SYNE2: variants seen among roughly 807,000 people sequenced by gnomAD.
The protein encoded by SYNE2 is nesprin-2.
SYNE2 carries 431 observed loss-of-function variants against 856.3 expected under a neutral mutation model. That is an observed-to-expected ratio of 0.50 (90% CI 0.47 to 0.55). The LOEUF is 0.55. Among genes scored for constraint, SYNE2 ranks in the 20% least tolerant of loss-of-function variants. The probability of loss-of-function intolerance (pLI) is 0.00; values close to 1 mark genes in which losing one functional copy is unlikely to be tolerated. For missense variants in SYNE2, 8,129 were observed against 8,023.2 expected (o/e 1.01, Z -0.50); for synonymous variants, 2,923 against 2,872.3 (o/e 1.02, Z -0.56).
At chr14:64,140,596 C>T (rs559584147) in intron 80 of SYNE2, among the ~76,000 whole-genome samples, 3 of 152,268 alleles carry the variant, frequency 2.0e-5, no homozygotes, top group Non-Finnish European at 4.4e-5. Context: ...AAAACTTGCA[C>T]TGACATAGGT....
chr14:63,903,951 T>C (rs2095373166), intron 1 of SYNE2, among the ~76,000 whole-genome samples: 1 of 152,118 alleles, frequency 6.6e-6, no homozygotes, highest in Admixed American at 6.6e-5. Flanking sequence ...AATAGGTTGT[T>C]TTTCAACCCA....
intron 1 of SYNE2, among the ~76,000 whole-genome samples, chr14:63,875,184 A>G (rs909875889): frequency 6.6e-6 from 1 of 152,154 alleles, no homozygotes; most frequent in Non-Finnish European, 1.5e-5. Context: ...AGTATCTGGG[A>G]CTACAGGTGT....
chr14:64,062,644 A>G (rs2097326433), intron 49 of SYNE2, 107 bp from the exon 50 acceptor site: 6 of 1,151,110 alleles, frequency 5.2e-6, no homozygotes, highest in Non-Finnish European at 7.6e-6. Flanking sequence ...GAAAGTTGTC[A>G]TATCTTTTCT....
At chr14:63,948,530 C>T (rs1032871441) in intron 6 of SYNE2, among the ~76,000 whole-genome samples, 3 of 151,196 alleles carry the variant, frequency 2.0e-5, no homozygotes, top group South Asian at 4.2e-4. Context: ...GGAGTGGTGG[C>T]GTGCGCCTGT....
intron 41 of SYNE2, 89 bp from the exon 42 acceptor site, chr14:64,026,490 C>A: frequency 9.8e-7 from 1 of 1,024,244 alleles, no homozygotes. Flanking sequence ...CAGATAGAAT[C>A]TCTATATAAA....
At chr14:64,176,497 G>A (rs529848927) in intron 95 of SYNE2, among the ~76,000 whole-genome samples, 6 of 152,298 alleles carry the variant, frequency 3.9e-5, no homozygotes, top group African/African-American at 9.6e-5. Context: ...CAGCACAGTG[G>A]TGAGAAGTGG....
At position 64,216,859 on chromosome 14, in the gene SYNE2, C is replaced by A. The variant is rs540776422; in HGVS notation, c.19542+472C>A. Among the ~76,000 whole-genome samples the A allele has an allele frequency of 8.3e-4, 126 of 152,180 alleles. 3 individuals carry two copies. In the South Asian group the frequency reaches 0.025, roughly 31 times the overall value. ...CCTGCCTCAGCCTCCCAAGTAGCTG[C>A]GATTACAGGTGTGCACCACCATGCC... On this transcript the variant is annotated intron_variant, in intron 108 of 115. Transcript: ENST00000555002.
chr14:64,159,379 T>C lies in SYNE2; in HGVS notation c.16031T>C (p.Leu5344Pro). Residue 5344 changes from leucine to proline, a missense_variant, in exon 87 of 116, where the codon CTC becomes CCC. Around this residue, in one of 3 missense-constraint regions of SYNE2, gnomAD observed 5,410 missense variants for 5,284.8 expected, o/e 1.02. Transcript: ENST00000555002. ...WEKLQEVIGK[L>P]KGLCPSVAEI... ...AAACTCCAGGAGGTTATCGGCAAAC[T>C]CAAAGGTCTCTGCCCCTCTGTTGCT... is the stretch of plus-strand genomic sequence containing the variant. 6.2e-7 allele frequency: 1 copy of C among 1,614,030 alleles called. No individual in the cohort carries two copies. Among genetic ancestry groups the C allele is most frequent in the Non-Finnish European group, 8.5e-7 (1 of 1,179,924 alleles).
intron 1 of SYNE2, among the ~76,000 whole-genome samples, chr14:63,773,607 G>C (rs1887002315): frequency 6.6e-6 from 1 of 152,096 alleles, no homozygotes; most frequent in Non-Finnish European, 1.5e-5. Context: ...CTAGAATATA[G>C]TGATTATTTA....
At chr14:64,098,213 A>G (rs2097693175) in intron 62 of SYNE2, 67 bp downstream of exon 62, 4 of 1,532,782 alleles carry the variant, frequency 2.6e-6, no homozygotes, top group Admixed American at 1.7e-5. Flanking sequence ...AGTGTTTTCC[A>G]CCTGAACGAC....
At chr14:63,942,882 C>T (rs1377996538) in intron 6 of SYNE2, among the ~76,000 whole-genome samples, 5 of 152,168 alleles carry the variant, frequency 3.3e-5, no homozygotes, top group African/African-American at 7.2e-5. Flanking sequence ...CTGCCTGCCT[C>T]GACCTCCCAA....
intron 22 of SYNE2, among the ~76,000 whole-genome samples, chr14:63,994,365 T>C (rs2096695432): frequency 6.6e-6 from 1 of 152,196 alleles, no homozygotes; most frequent in South Asian, 2.1e-4. Context: ...AATTAAAATG[T>C]GTGTGTCTAT....
chr14:64,045,418 G>C (rs1446797357), intron 45 of SYNE2, among the ~76,000 whole-genome samples: 1 of 150,142 alleles, frequency 6.7e-6, no homozygotes, highest in Non-Finnish European at 1.5e-5. Context: ...CTTCAGTGCA[G>C]GTTCTCTTGG....
chr14:63,766,472 A>G (rs1281212978), intron 1 of SYNE2, among the ~76,000 whole-genome samples: 1 of 152,208 alleles, frequency 6.6e-6, no homozygotes, highest in Admixed American at 6.5e-5. Flanking sequence ...TGATACTAAA[A>G]AAAGCTCCTG....
intron 1 of SYNE2, among the ~76,000 whole-genome samples, chr14:63,806,629 G>A (rs1450932162): frequency 6.6e-6 from 1 of 152,072 alleles, no homozygotes; most frequent in Non-Finnish European, 1.5e-5. Context: ...TTCAAGGAAT[G>A]CATCCATTTC....
At chr14:64,111,218 G>A (rs1375780811) in intron 65 of SYNE2, among the ~76,000 whole-genome samples, 3 of 151,628 alleles carry the variant, frequency 2.0e-5, no homozygotes, top group Admixed American at 6.6e-5. Context: ...AAAAATGTGC[G>A]TGGCATATAA....
At chr14:63,970,894 C>G (rs1167214930) in intron 11 of SYNE2, among the ~76,000 whole-genome samples, 5 of 151,764 alleles carry the variant, frequency 3.3e-5, no homozygotes, top group Non-Finnish European at 7.4e-5. Flanking sequence ...CTCAAGTGAT[C>G]TGCCTGCCTT....
intron 64 of SYNE2, 114 bp from the exon 65 acceptor site, chr14:64,107,377 C>T: frequency 2.2e-6 from 2 of 922,772 alleles, no homozygotes; most frequent in East Asian, 2.4e-5. Context: ...CTGACTTCTC[C>T]ATATCTGACT....
intron 1 of SYNE2, among the ~76,000 whole-genome samples, chr14:63,762,698 G>A (rs2139683263): frequency 6.6e-6 from 1 of 151,194 alleles, no homozygotes; most frequent in East Asian, 1.9e-4. Flanking sequence ...AGCTCCCAAA[G>A]TGCTGGGATT....
Sources: allele counts gnomAD v4.1 joint callset (sites outside exome capture counted in the v4.1 genomes callset), GRCh38; gene constraint gnomAD v4.1.1; regional missense constraint gnomAD v4.1.1; transcripts MANE v1.5; gene names NCBI Gene and HGNC (gene_info 2026-07-23, HGNC 2026-07-21).